The following RPS17 variants were observed in gnomAD, a reference collection of about 807,000 sequenced individuals.
RPS17 encodes the protein ribosomal protein S17.
For missense variants in RPS17, 68 were observed against 182.3 expected (o/e 0.37, Z 3.61); for synonymous variants, 75 against 65.6 (o/e 1.14, Z -0.70).
chr15:82,540,395 G>A, intron 1 of RPS17, 31 bp downstream of exon 1: 4 of 1,593,040 alleles, frequency 2.5e-6, no homozygotes, highest in Non-Finnish European at 3.4e-6. Context: ...GACGATTGTG[G>A]AGGATGGCGG....
chr15:82,540,261 G>A (rs1014180374), intron 1 of RPS17, 129 bp from the exon 2 acceptor site: 1 of 1,602,752 alleles, frequency 6.2e-7, no homozygotes, highest in Admixed American at 1.7e-5. Flanking sequence ...CGGCTAAACA[G>A]TGCCGGGCGC....
chr15:82,540,415 A>T lies in RPS17; in HGVS notation c.3+11T>A. The T allele has an allele frequency of 5.0e-6, 8 of 1,596,088 alleles. No homozygotes were observed. Among genetic ancestry groups the T allele is most frequent in the Non-Finnish European group, 5.1e-6 (6 of 1,172,578 alleles). On this transcript the variant is annotated intron_variant, in intron 1 of 4. Transcript: ENST00000647841. ...TTGTGGAGGATGGCGGCCTCGAGCC[A>T]AAACACCTACCATGTTGGCGGGTCC...
chr15:82,540,264 C>T, intron 1 of RPS17, 132 bp from the exon 2 acceptor site: 10 of 1,600,966 alleles, frequency 6.2e-6, no homozygotes, highest in Non-Finnish European at 8.5e-6. Context: ...CTAAACAGTG[C>T]CGGGCGCCGG....
At position 82,538,177 on chromosome 15, in the gene RPS17, T is replaced by C; in HGVS notation, c.327+129A>G. The C allele has an allele frequency of 4.0e-6, 4 of 988,434 alleles. No homozygotes were observed. The South Asian group carries it at 5.2e-5, about 13-fold the overall frequency. The allele number at this position is 988,434 out of a possible 1,614,324, so 61.2% of individuals were successfully genotyped here. The stretch of plus-strand genomic sequence containing the variant: ...TACACCCCTTATGAAAGCAGTCCAG[T>C]TTAGTGGCTACAAGTTTAGATGGGA... On this transcript the variant is annotated intron_variant, in intron 4 of 4. Transcript: ENST00000647841.
intron 2 of RPS17, 22 bp downstream of exon 2, chr15:82,539,959 G>T (rs1219241440): frequency 4.3e-6 from 7 of 1,611,932 alleles, no homozygotes; most frequent in Non-Finnish European, 5.9e-6. Flanking sequence ...GAGCCCCGGA[G>T]GCCGAGGAAG....
intron 1 of RPS17, 106 bp from the exon 2 acceptor site, chr15:82,540,238 G>T: frequency 6.2e-7 from 1 of 1,608,452 alleles, no homozygotes; most frequent in Non-Finnish European, 8.5e-7. Flanking sequence ...GCTGCGCTGA[G>T]CCGGAGAGGG....
chr15:82,538,844 G>A, intron 3 of RPS17, 36 bp downstream of exon 3: 1 of 1,602,446 alleles, frequency 6.2e-7, no homozygotes, highest in Non-Finnish European at 8.5e-7. Flanking sequence ...TATCATTTGA[G>A]GATTAGCCAG....
chr15:82,536,839 C>G lies in RPS17; in HGVS notation c.370G>C (p.Val124Leu). 1 of 1,614,010 alleles carries G rather than the reference C, an allele frequency of 6.2e-7. No homozygotes were observed. Among genetic ancestry groups the G allele is most frequent in the Non-Finnish European group, 8.5e-7 (1 of 1,179,874 alleles). ...CGAGGCGTTTTGAAATTCATCCCAA[C>G]TGTAGGCTGAGTGACCTGAAGGTTG... ...LSNLQVTQPT[V>L]GMNFKTPRGP... is the part of the protein sequence containing the mutation. Residue 124 changes from valine (V) to leucine (L), a missense_variant, in exon 5 of 5, where the codon GTT becomes CTT. By Grantham distance (32) the Val-to-Leu change is conservative. Transcript: ENST00000647841.
intron 3 of RPS17, 58 bp from the exon 4 acceptor site, chr15:82,538,429 C>T (rs2034277967): frequency 6.4e-7 from 1 of 1,555,222 alleles, no homozygotes; most frequent in Admixed American, 1.7e-5. Flanking sequence ...ACTCACCTCT[C>T]CTCCTCCTCT....
intron 1 of RPS17, 108 bp downstream of exon 1, chr15:82,540,318 G>A (rs2034327583): frequency 6.3e-7 from 1 of 1,581,254 alleles, no homozygotes; most frequent in East Asian, 2.3e-5. Context: ...CAGCCTGACA[G>A]GGCTCTGCGC....
intron 3 of RPS17, 65 bp from the exon 4 acceptor site, chr15:82,538,436 CTCT>C: frequency 6.4e-7 from 1 of 1,557,214 alleles, no homozygotes; most frequent in Non-Finnish European, 8.8e-7. Context: ...TCTCCTCCTC[CTCT>C]CCCCAGGTTC....
chr15:82,538,041 A>G (rs1245799286), intron 4 of RPS17: 1 of 527,400 alleles, frequency 1.9e-6, no homozygotes, highest in Non-Finnish European at 3.7e-6. Flanking sequence ...AACGTAAGCC[A>G]GCTATAAAAC....
At chr15:82,540,332 C>G in intron 1 of RPS17, 94 bp downstream of exon 1, 1 of 1,580,696 alleles carries the variant, frequency 6.3e-7, no homozygotes, top group Middle Eastern at 1.8e-4. Context: ...TCTGCGCCTT[C>G]CCGGCCCAGG....
intron 2 of RPS17, 119 bp from the exon 3 acceptor site, chr15:82,539,104 A>G (rs1011443414): frequency 1.4e-5 from 14 of 1,008,740 alleles, no homozygotes; most frequent in Non-Finnish European, 2.2e-5. Flanking sequence ...GAGAAGGAAG[A>G]GGACTCACTA....
intron 2 of RPS17, 124 bp from the exon 3 acceptor site, chr15:82,539,109 T>C: frequency 1.0e-6 from 1 of 989,518 alleles, no homozygotes; most frequent in Non-Finnish European, 1.6e-6. Context: ...GGAAGAGGAC[T>C]CACTATCCTG....
In RPS17 at chr15:82,540,047, G is replaced by T; in HGVS notation, c.89C>A (p.Thr30Lys). ...GATCTCCTCGCACACGCGCTTGTTCGTGTGGAAGTCGTTGCCCAGGCGCGT... is the reference window on the plus strand; with the variant it reads ...GATCTCCTCGCACACGCGCTTGTTCTTGTGGAAGTCGTTGCCCAGGCGCGT... Reference protein sequence around the residue: ...YYTRLGNDFHTNKRVCEEIAI... With the variant: ...YYTRLGNDFHKNKRVCEEIAI... Residue 30 changes from threonine (T) to lysine (K), a missense_variant, in exon 2 of 5, where the codon ACG (threonine) becomes AAG (lysine). Transcript: ENST00000647841. 1 of 1,612,742 alleles carries T rather than the reference G, an allele frequency of 6.2e-7. No homozygotes were observed. Among genetic ancestry groups the T allele is most frequent in the East Asian group, 2.2e-5 (1 of 44,886 alleles).
At position 82,539,967 on chromosome 15, in the gene RPS17, A is replaced by G; in HGVS notation, c.155+14T>C. The G allele has an allele frequency of 6.2e-7, 1 of 1,612,030 alleles. No individual in the cohort carries two copies. The highest frequency in any genetic ancestry group is 1.1e-5 in the South Asian group (1 of 90,986). ...GATCGCGGAGCCCCGGAGGCCGAGG[A>G]AGGCCCGACTCACCCTGCTATCTTG... On this transcript the variant is annotated intron_variant, in intron 2 of 4. Coordinates refer to ENST00000647841, the MANE Select transcript of RPS17 (RefSeq NM_001021.6).
intron 2 of RPS17, chr15:82,539,703 A>G (rs2034310103): frequency 8.6e-6 from 5 of 583,432 alleles, no homozygotes; most frequent in East Asian, 6.0e-5. Flanking sequence ...AAAAAAGAAA[A>G]AAAAGAAAGA....
At chr15:82,539,227 T>TCCCCCCCCCCCC in intron 2 of RPS17, 20 of 605,872 alleles carry the variant, frequency 3.3e-5, no homozygotes, top group South Asian at 1.1e-4. Context: ...CACCCCCAAC[T>TCCCCCCCCCCCC]CGCCCCGCCC....
Sources: gnomAD v4.1 joint callset for allele counts on GRCh38, gnomAD v4.1.1 for gene constraint, MANE v1.5 for transcripts, NCBI Gene and HGNC (gene_info 2026-07-23, HGNC 2026-07-21) for gene names.